Variants in PRKAG2 observed in about 807,000 individuals in gnomAD.
PRKAG2 encodes 5'-AMP-activated protein kinase subunit gamma-2.
PRKAG2 carries 26 observed loss-of-function variants against 69.6 expected under a neutral mutation model. The ratio of observed to expected loss-of-function variants is 0.37; its 90% CI spans 0.27 to 0.52. The LOEUF (loss-of-function observed/expected upper bound fraction) is 0.52. PRKAG2 is among the 20% of genes least tolerant of loss of function. The probability of loss-of-function intolerance (pLI) is 0.90; values close to 1 mark genes in which losing one functional copy is unlikely to be tolerated. For synonymous variants in PRKAG2, 293 were observed against 285.0 expected, an observed-to-expected ratio of 1.03 and a Z score of -0.28; for missense variants, 557 against 740.0, an observed-to-expected ratio of 0.75 and a Z score of 2.87.
Position 151,583,745 on chromosome 7 carries a change from T to A in PRKAG2, c.865-7293A>T, listed in dbSNP as rs1811018843. Among the ~76,000 whole-genome samples, 1 of 152,228 alleles carries A rather than the reference T, an allele frequency of 6.6e-6. No individual in the cohort carries two copies. Among genetic ancestry groups the A allele is most frequent in the Non-Finnish European group, 1.5e-5 (1 of 68,036 alleles). On this transcript the variant is annotated intron_variant, in intron 6 of 15. Coordinates refer to ENST00000287878, the MANE Select transcript of PRKAG2 (RefSeq NM_016203.4). This position sits in a 1 kb window ranked among gnomAD's most constrained non-coding sequence, Gnocchi z 4.1. ...TAACTGATACGCAATTTGCTCAAAC[T>A]ATGATTAATTTTAAAGTTTACATTT...
intron 1 of PRKAG2, among the ~76,000 whole-genome samples, chr7:151,857,495 T>G (rs2079814487): frequency 6.6e-6 from 1 of 152,036 alleles, no homozygotes; most frequent in African/African-American, 2.4e-5. Flanking sequence ...ACGCATTTTC[T>G]CGGGTTGCAT....
At chr7:151,636,745 C>T (rs1825801435) in intron 4 of PRKAG2, among the ~76,000 whole-genome samples, 1 of 152,092 alleles carries the variant, frequency 6.6e-6, no homozygotes, top group Non-Finnish European at 1.5e-5. Flanking sequence ...CACTCTGTCA[C>T]CCAGGCTGGA....
At chr7:151,703,436 C>T (rs1048505027) in intron 3 of PRKAG2, among the ~76,000 whole-genome samples, 3 of 152,202 alleles carry the variant, frequency 2.0e-5, no homozygotes, top group African/African-American at 7.2e-5. Flanking sequence ...CTCCGTCAAG[C>T]CCTCAGTTGT....
chr7:151,809,046 C>T (rs1352623516), intron 1 of PRKAG2, among the ~76,000 whole-genome samples: 2 of 152,226 alleles, frequency 1.3e-5, no homozygotes, highest in African/African-American at 2.4e-5. Context: ...CCAGTGAGCA[C>T]GTCTCAGGGC....
intron 1 of PRKAG2, among the ~76,000 whole-genome samples, chr7:151,801,752 C>A (rs1206432595): frequency 2.6e-5 from 4 of 152,182 alleles, no homozygotes; most frequent in African/African-American, 9.7e-5. Context: ...AGATGTGAGG[C>A]CAAAGTCACC....
intron 4 of PRKAG2, among the ~76,000 whole-genome samples, chr7:151,656,082 G>T (rs978310716): frequency 1.3e-5 from 2 of 152,120 alleles, no homozygotes; most frequent in African/African-American, 4.8e-5. Flanking sequence ...CCTGAAACCT[G>T]AGTAGCACTA....
intron 3 of PRKAG2, among the ~76,000 whole-genome samples, chr7:151,727,172 G>A (rs150652825): frequency 1.0e-3 from 159 of 151,948 alleles, no homozygotes; most frequent in African/African-American, 3.4e-3. Context: ...CCAAGATTGC[G>A]TCATTGCACT....
intron 14 of PRKAG2, among the ~76,000 whole-genome samples, chr7:151,561,475 A>C (rs1471678658): frequency 1.3e-5 from 2 of 152,218 alleles, no homozygotes; most frequent in African/African-American, 4.8e-5. Flanking sequence ...TATATTAAGA[A>C]TCGCATCCAA....
intron 1 of PRKAG2, among the ~76,000 whole-genome samples, chr7:151,840,272 TG>T (rs2151884987): frequency 6.6e-6 from 1 of 152,274 alleles, no homozygotes; most frequent in East Asian, 1.9e-4. Context: ...ATGCCCAGAA[TG>T]CAACTGGCTG....
rs529352700 is a variant in PRKAG2, at chr7:151,797,339, T to C, written c.115-10798A>G. 1.9e-4 allele frequency among the ~76,000 whole-genome samples: 28 copies of C among 148,820 alleles called. No individual in the cohort carries two copies. The South Asian group carries it at 6.1e-3, about 32-fold the overall frequency. The stretch of plus-strand genomic sequence containing the variant: ...AGGGACACCATGAACTACAATAAAA[T>C]TGGGCACCCTGGGGACATTTTTGTA... On this transcript the variant is annotated intron_variant, in intron 1 of 15. Transcript: ENST00000287878.
Position 151,565,902 on chromosome 7 carries a change from C to T in PRKAG2, c.1234-17G>A, listed in dbSNP as rs587781127. The T allele has an allele frequency of 6.6e-5, 106 of 1,609,328 alleles. No homozygotes were observed. The South Asian group carries it at 8.4e-4, about 13-fold the overall frequency. The stretch of plus-strand genomic sequence containing the variant: ...ATCAGACATCTAAACGGAAGATAAA[C>T]GCAAACGTTCTAGACCCAGAACACA... On this transcript the variant is annotated splice_polypyrimidine_tract_variant and intron_variant, in intron 11 of 15. Transcript: ENST00000287878.
At chr7:151,832,595 T>TTG (rs10655534) in intron 1 of PRKAG2, among the ~76,000 whole-genome samples, 5 of 141,708 alleles carry the variant, frequency 3.5e-5, no homozygotes, top group African/African-American at 5.2e-5. Context: ...GAGGCATCTC[T>TTG]GGGGGGGGGG....
intron 1 of PRKAG2, among the ~76,000 whole-genome samples, chr7:151,794,801 G>A (rs2077418709): frequency 6.6e-6 from 1 of 152,242 alleles, no homozygotes; most frequent in South Asian, 2.1e-4. Flanking sequence ...CAGCATGGCC[G>A]CTGCCAGAGT....
chr7:151,790,369 C>T (rs1448638701), intron 1 of PRKAG2: 1 of 152,232 alleles, frequency 6.6e-6, no homozygotes, highest in Non-Finnish European at 1.5e-5. Flanking sequence ...ATTAATTATC[C>T]TAGACTGTGT....
chr7:151,842,799 T>G (rs1048312540), intron 1 of PRKAG2, among the ~76,000 whole-genome samples: 3 of 151,754 alleles, frequency 2.0e-5, no homozygotes, highest in Non-Finnish European at 4.4e-5. Flanking sequence ...GGTGGTAGCA[T>G]GGGGATGCTG....
chr7:151,787,152 A>G (rs1344331475), intron 1 of PRKAG2, among the ~76,000 whole-genome samples: 2 of 152,194 alleles, frequency 1.3e-5, no homozygotes, highest in African/African-American at 2.4e-5. Context: ...TCATCCTCAA[A>G]TCGGGCACAG....
rs191264274 is a variant in PRKAG2, at chr7:151,777,356, T to C, written c.466+3796A>G. Among the ~76,000 whole-genome samples, 30 of 152,260 alleles carry C rather than the reference T, an allele frequency of 2.0e-4. No homozygotes were observed. The East Asian group carries it at 5.4e-3, about 27-fold the overall frequency. On this transcript the variant is annotated intron_variant, in intron 3 of 15. Transcript: ENST00000287878. The surrounding 1 kb of genome is among the most constrained non-coding windows in gnomAD (Gnocchi z 4.3). Reference sequence around the variant, plus strand: ...TCCACCTCTGATAGAGGTTGAGTGTTTCTTCCCCGCTCTCAGGTTGAAATT... The same window carrying C: ...TCCACCTCTGATAGAGGTTGAGTGTCTCTTCCCCGCTCTCAGGTTGAAATT...
At chr7:151,739,943 T>C (rs1024913039) in intron 3 of PRKAG2, among the ~76,000 whole-genome samples, 2 of 152,060 alleles carry the variant, frequency 1.3e-5, no homozygotes, top group Non-Finnish European at 2.9e-5. Flanking sequence ...GACTTTTCTC[T>C]CCTTTGAAAG....
intron 1 of PRKAG2, among the ~76,000 whole-genome samples, chr7:151,870,153 A>AGGCAGGCAGGCAGG (rs1563769197): frequency 2.6e-5 from 3 of 115,422 alleles, no homozygotes; most frequent in African/African-American, 9.7e-5. Context: ...AGATAGATAG[A>AGGCAGGCAGGCAGG]TAGGCAGGCA....
Sources: allele counts gnomAD v4.1 joint callset (sites outside exome capture counted in the v4.1 genomes callset), GRCh38; gene constraint gnomAD v4.1.1; non-coding constraint Gnocchi (gnomAD v3.1); transcripts MANE v1.5; gene names NCBI Gene and HGNC (gene_info 2026-07-23, HGNC 2026-07-21).